The following CMYA5 variants were observed in gnomAD, a reference collection of about 807,000 sequenced individuals.
CMYA5 encodes the protein cardiomyopathy associated 5.
A neutral mutation model predicts 318.9 loss-of-function variants in CMYA5; 246 were observed. That is an observed-to-expected ratio of 0.77 (90% CI 0.70 to 0.86). CMYA5 has a LOEUF of 0.86. CMYA5 is among the 40% of genes least tolerant of loss of function. The pLI is 0.00. For synonymous variants in CMYA5, 1,641 were observed against 1,729.5 expected (o/e 0.95, Z 1.27); for missense variants, 4,589 against 4,678.2 (o/e 0.98, Z 0.56).
chr5:79,771,590 G>A (rs1828857425), intron 9 of CMYA5, among the ~76,000 whole-genome samples: 2 of 152,204 alleles, frequency 1.3e-5, no homozygotes, highest in South Asian at 2.1e-4. Context: ...GAACAGTGAT[G>A]TCATCTCATA....
At chr5:79,754,355 G>A (rs968033604) in intron 6 of CMYA5, among the ~76,000 whole-genome samples, 5 of 152,142 alleles carry the variant, frequency 3.3e-5, no homozygotes, top group South Asian at 2.1e-4. Flanking sequence ...ATGCTTATAC[G>A]ATGGCTGGCA....
rs371646333 is a variant in CMYA5 at position 79,736,062 on chromosome 5, A to G, written c.7297A>G (p.Met2433Val). The G allele has an allele frequency of 1.9e-5, 31 of 1,612,204 alleles. No homozygotes were observed. In the Middle Eastern group the frequency reaches 6.6e-4, roughly 34 times the overall value. Residue 2433 changes from methionine to valine, a missense_variant, in exon 2 of 13, where the codon ATG (methionine) becomes GTG (valine). By Grantham distance (21) the Met-to-Val change is conservative. Coordinates refer to ENST00000446378, the MANE Select transcript of CMYA5 (RefSeq NM_153610.5). ...DFSEDRLKKE[M>V]QNPTSLKISE... Reference sequence around the variant, plus strand: ...CAGTGAAGACAGACTCAAGAAAGAAATGCAAAATCCTACTTCCTTGAAAAT... The same window carrying G: ...CAGTGAAGACAGACTCAAGAAAGAAGTGCAAAATCCTACTTCCTTGAAAAT...
At chr5:79,709,695 C>G (rs1036671490) in intron 1 of CMYA5, among the ~76,000 whole-genome samples, 1 of 151,312 alleles carries the variant, frequency 6.6e-6, no homozygotes. Context: ...TGGTGACTCA[C>G]GCCTGTAACT....
chr5:79,725,215 A>G (rs4703785), intron 1 of CMYA5, among the ~76,000 whole-genome samples: 77,223 of 152,112 alleles, frequency 0.51, 22,192 homozygotes, highest in African/African-American at 0.79. Context: ...AATCAACCTA[A>G]GTGCCCATCA....
At chr5:79,763,017 G>C in intron 8 of CMYA5, 45 bp from the exon 9 acceptor site, 1 of 1,571,754 alleles carries the variant, frequency 6.4e-7, no homozygotes, top group Non-Finnish European at 8.7e-7. Context: ...TCCCAGGAAA[G>C]CAAGCTGGCA....
chr5:79,758,050 T>C (rs1828564146), intron 6 of CMYA5, among the ~76,000 whole-genome samples: 1 of 151,868 alleles, frequency 6.6e-6, no homozygotes, highest in Non-Finnish European at 1.5e-5. Flanking sequence ...ACCAATATGG[T>C]GAACCCCCAC....
chr5:79,703,821 A>C (rs867046765), intron 1 of CMYA5, among the ~76,000 whole-genome samples: 2 of 152,244 alleles, frequency 1.3e-5, no homozygotes, highest in African/African-American at 2.4e-5. Context: ...GGCCGGGAAC[A>C]GTGGCACATG....
chr5:79,791,109 G>A (rs376857884), intron 11 of CMYA5, 40 bp downstream of exon 11: 2 of 1,409,380 alleles, frequency 1.4e-6, no homozygotes, highest in South Asian at 2.3e-5. Context: ...TGATGGCCCA[G>A]CAGTAGGGTC....
At chr5:79,745,171 A>AAGAC in intron 3 of CMYA5, 51 bp from the exon 4 acceptor site, 1 of 1,161,498 alleles carries the variant, frequency 8.6e-7, no homozygotes, top group African/African-American at 1.6e-5. Context: ...AAAAAAAAGC[A>AAGAC]GCATTTCTTG....
intron 1 of CMYA5, among the ~76,000 whole-genome samples, chr5:79,717,238 G>A (rs750178978): frequency 2.2e-4 from 34 of 152,200 alleles, no homozygotes; most frequent in Middle Eastern, 6.8e-3. Context: ...TGAAATATGA[G>A]TACAAAAGTA....
chr5:79,700,405 T>C (rs761621226), intron 1 of CMYA5, among the ~76,000 whole-genome samples: 5 of 152,190 alleles, frequency 3.3e-5, no homozygotes, highest in African/African-American at 4.8e-5. Flanking sequence ...GAAAATTGGT[T>C]GGTAGCTCAT....
At chr5:79,792,182 A>T (rs1450323055) in intron 11 of CMYA5, among the ~76,000 whole-genome samples, 1 of 152,208 alleles carries the variant, frequency 6.6e-6, no homozygotes, top group East Asian at 1.9e-4. Flanking sequence ...AAAAGAACAG[A>T]TAACTTGTGG....
chr5:79,784,901 G>A (rs1486873390), intron 9 of CMYA5, among the ~76,000 whole-genome samples: 2 of 151,962 alleles, frequency 1.3e-5, no homozygotes, highest in Non-Finnish European at 2.9e-5. Flanking sequence ...GCTGGGAGCT[G>A]TAGACCGGAG....
chr5:79,694,536 G>A (rs779990298), intron 1 of CMYA5, among the ~76,000 whole-genome samples: 4 of 152,112 alleles, frequency 2.6e-5, no homozygotes, highest in Non-Finnish European at 5.9e-5. Flanking sequence ...TAAGCACAGA[G>A]GATTTTTGCC....
At chr5:79,791,367 C>G (rs996205547) in intron 11 of CMYA5, among the ~76,000 whole-genome samples, 2 of 152,046 alleles carry the variant, frequency 1.3e-5, no homozygotes, top group African/African-American at 2.4e-5. Flanking sequence ...AAAAAAGGGT[C>G]CAGTAATTCT....
intron 1 of CMYA5, among the ~76,000 whole-genome samples, chr5:79,708,624 C>CAAAAAAAAAAAAAAAAA (rs902533023): frequency 6.9e-6 from 1 of 145,908 alleles, no homozygotes; most frequent in African/African-American, 2.5e-5. Flanking sequence ...GACTCCATCT[C>CAAAAAAAAAAAAAAAAA]AAAAAAAAAA....
intron 1 of CMYA5, among the ~76,000 whole-genome samples, chr5:79,724,075 T>C (rs905141015): frequency 4.6e-5 from 7 of 151,908 alleles, no homozygotes; most frequent in Admixed American, 3.3e-4. Context: ...CCCAGCACTT[T>C]GGGAGGCCGA....
At chr5:79,712,065 A>C (rs191106795) in intron 1 of CMYA5, among the ~76,000 whole-genome samples, 1 of 152,130 alleles carries the variant, frequency 6.6e-6, no homozygotes, top group African/African-American at 2.4e-5. Context: ...CCGGAGAACC[A>C]ACACACTGCC....
At chr5:79,720,144 G>A (rs1395245661) in intron 1 of CMYA5, among the ~76,000 whole-genome samples, 1 of 152,100 alleles carries the variant, frequency 6.6e-6, no homozygotes, top group East Asian at 1.9e-4. Context: ...TATGGCTGAG[G>A]ATTTCTCAAA....
Sources: allele counts gnomAD v4.1 joint callset (sites outside exome capture counted in the v4.1 genomes callset), GRCh38; gene constraint gnomAD v4.1.1; transcripts MANE v1.5; gene names NCBI Gene and HGNC (gene_info 2026-07-23, HGNC 2026-07-21).